The following EPHA3 variants were observed in gnomAD, a reference collection of about 807,000 sequenced individuals.
EPHA3 encodes the protein ephrin type-A receptor 3.
In EPHA3, 42 loss-of-function variants were observed where a neutral mutation model predicts 107.1. That is an observed-to-expected ratio of 0.39 (90% CI 0.31 to 0.51). EPHA3 has a LOEUF of 0.51. Ranked by LOEUF, EPHA3 falls within the 20% of genes least tolerant of loss-of-function variation. The probability of loss-of-function intolerance (pLI) is 0.78; values close to 1 mark genes in which losing one functional copy is unlikely to be tolerated. For missense variants in EPHA3, 1,183 were observed against 1,211.2 expected (o/e 0.98, Z 0.35); for synonymous variants, 461 against 424.8 (o/e 1.09, Z -1.05).
chr3:89,453,848 G>A (rs1710044999), intron 15 of EPHA3, among the ~76,000 whole-genome samples: 1 of 152,044 alleles, frequency 6.6e-6, no homozygotes, highest in South Asian at 2.1e-4. Context: ...GAAATGTAGT[G>A]GCACCTGCAC....
chr3:89,154,270 GT>G (rs1195353397), intron 2 of EPHA3, among the ~76,000 whole-genome samples: 69 of 140,844 alleles, frequency 4.9e-4, no homozygotes, highest in African/African-American at 6.8e-4. Flanking sequence ...GTTTTTGTTT[GT>G]TTTTTTTTTT....
intron 13 of EPHA3, among the ~76,000 whole-genome samples, chr3:89,443,349 T>C (rs989485313): frequency 9.2e-5 from 14 of 152,172 alleles, no homozygotes; most frequent in East Asian, 3.8e-4. Flanking sequence ...TCTAAAAAAG[T>C]TGATGCTCAG....
intron 3 of EPHA3, among the ~76,000 whole-genome samples, chr3:89,302,562 T>G (rs765057472): frequency 6.6e-6 from 1 of 152,096 alleles, no homozygotes; most frequent in Non-Finnish European, 1.5e-5. Context: ...GTGAAAGATA[T>G]TGTATGTGAA....
chr3:89,418,791 A>C (rs1709299446), intron 10 of EPHA3, among the ~76,000 whole-genome samples: 1 of 151,460 alleles, frequency 6.6e-6, no homozygotes, highest in African/African-American at 2.4e-5. Context: ...CGGTAAAAAC[A>C]GAATTGTTAA....
At position 89,107,725 on chromosome 3, in the gene EPHA3, C is replaced by G. The variant is rs1471673703; in HGVS notation, c.-24C>G. On this transcript the variant is annotated 5_prime_UTR_variant, in exon 1 of 17. Transcript: ENST00000336596. ...GCATGCTTCATGGAGATATGCTCCT[C>G]TCACTGCCCTCTGCACCAGCAACAT... The G allele has an allele frequency of 4.8e-5, 77 of 1,607,138 alleles. No homozygotes were observed. Among genetic ancestry groups the G allele is most frequent in the Non-Finnish European group, 6.3e-5 (74 of 1,173,842 alleles).
intron 2 of EPHA3, among the ~76,000 whole-genome samples, chr3:89,202,534 A>AAT (rs71105121): frequency 0.013 from 491 of 37,596 alleles, 2 homozygotes; most frequent in East Asian, 0.035. Context: ...AAAAAAAAAA[A>AAT]ATATATATAT....
chr3:89,310,569 AC>A (rs1706741272), intron 3 of EPHA3, among the ~76,000 whole-genome samples: 1 of 151,828 alleles, frequency 6.6e-6, no homozygotes, highest in African/African-American at 2.4e-5. Flanking sequence ...CAAATACCTT[AC>A]CTATTCACCT....
intron 3 of EPHA3, among the ~76,000 whole-genome samples, chr3:89,244,400 G>C (rs1313680649): frequency 1.3e-5 from 2 of 151,806 alleles, no homozygotes; most frequent in African/African-American, 2.4e-5. Flanking sequence ...TGAGCTAATA[G>C]TATTCACATG....
chr3:89,134,438 G>A lies in EPHA3; in HGVS notation c.153+7165G>A, dbSNP rs189558973. On this transcript the variant is annotated intron_variant, in intron 2 of 16. Transcript: ENST00000336596. The stretch of plus-strand genomic sequence containing the variant: ...TGTGTCCAAGTGTTCTCATTGTTCA[G>A]TTCCCACCTATGAGTGAGAACGTGC... 2.4e-4 allele frequency among the ~76,000 whole-genome samples: 36 copies of A among 151,736 alleles called. No individual in the cohort carries two copies. The East Asian group carries it at 5.6e-3, about 24-fold the overall frequency.
chr3:89,213,382 C>G (rs948692836), intron 3 of EPHA3, among the ~76,000 whole-genome samples: 4 of 151,982 alleles, frequency 2.6e-5, no homozygotes, highest in African/African-American at 9.7e-5. Flanking sequence ...ACTATCCATT[C>G]TTAGAATAGA....
rs575730567 is a variant in EPHA3, at chr3:89,429,166, G to A, written c.2135G>A (p.Arg712His). Residue 712 changes from arginine (R) to histidine (H), a missense_variant and splice_region_variant, in exon 12 of 17, where the codon CGT (arginine) becomes CAT (histidine). Arg to His is a conservative substitution (Grantham distance 29, BLOSUM62 0). Transcript: ENST00000336596. ...AATGGTTCCTTGGATAGTTTCCTAC[G>A]TGTAAGTAAGATGCACACACATACA... Reference protein sequence around the residue: ...MENGSLDSFLRKHDAQFTVIQ... With the variant: ...MENGSLDSFLHKHDAQFTVIQ... The A allele has an allele frequency of 1.2e-5, 19 of 1,608,518 alleles. No individual in the cohort carries two copies. The African/African-American group carries it at 1.7e-4, about 15-fold the overall frequency.
intron 1 of EPHA3, among the ~76,000 whole-genome samples, chr3:89,110,591 T>G (rs1707080148): frequency 6.6e-6 from 1 of 151,998 alleles, no homozygotes; most frequent in African/African-American, 2.4e-5. Flanking sequence ...CCTATATACT[T>G]AAACAGAACT....
intron 3 of EPHA3, among the ~76,000 whole-genome samples, chr3:89,258,463 C>T (rs1576270951): frequency 1.3e-5 from 2 of 152,102 alleles, no homozygotes; most frequent in African/African-American, 2.4e-5. Flanking sequence ...TTAGATGACT[C>T]GTGTATTTAG....
intron 3 of EPHA3, among the ~76,000 whole-genome samples, chr3:89,239,077 G>C (rs373235292): frequency 6.6e-6 from 1 of 152,148 alleles, no homozygotes; most frequent in African/African-American, 2.4e-5. Flanking sequence ...CACAGTATGC[G>C]AGAGTGATTA....
rs1243838934 is a variant in EPHA3, at chr3:89,359,726, CAT to C, written c.1306+17638_1306+17639del. 4.3e-3 allele frequency among the ~76,000 whole-genome samples: 607 copies of C among 141,612 alleles called. 12 individuals are homozygous for C. Among genetic ancestry groups the C allele is most frequent in the African/African-American group, 0.012 (455 of 38,538 alleles). 92.9% of individuals were successfully genotyped at this position (141,612 alleles called of 152,430 possible). A position where few individuals can be genotyped will look rare whatever the true frequency, so the allele number is the denominator to read the frequency against. On this transcript the variant is annotated intron_variant, in intron 5 of 16. Transcript: ENST00000336596. ...TATTGTGTGTGTGTATATATATATA[CAT>C]ACATATATACACATATATACACATA... is the stretch of plus-strand genomic sequence containing the variant.
chr3:89,172,916 T>C (rs778566346), intron 2 of EPHA3, among the ~76,000 whole-genome samples: 8 of 152,160 alleles, frequency 5.3e-5, no homozygotes, highest in Non-Finnish European at 1.2e-4. Context: ...CAGAGTGACT[T>C]GATGTGGGGA....
At chr3:89,373,942 T>A (rs1321409645) in intron 5 of EPHA3, among the ~76,000 whole-genome samples, 1 of 151,836 alleles carries the variant, frequency 6.6e-6, no homozygotes, top group Non-Finnish European at 1.5e-5. Flanking sequence ...GTCCATTTGG[T>A]CTGATTACTA....
chr3:89,275,881 C>T lies in EPHA3; in HGVS notation c.815-65035C>T, dbSNP rs544677453. ...TAATAATGAATAAAGCAAATCTCTT[C>T]CCTCAGTTAAAGGGAATGCAATGCA... On this transcript the variant is annotated intron_variant, in intron 3 of 16. Transcript: ENST00000336596. Among the ~76,000 whole-genome samples, 3 of 152,170 alleles carry T rather than the reference C, an allele frequency of 2.0e-5. No homozygotes were observed. The South Asian group carries it at 6.2e-4, about 32-fold the overall frequency.
chr3:89,238,377 T>G (rs894050658), intron 3 of EPHA3, among the ~76,000 whole-genome samples: 1 of 152,202 alleles, frequency 6.6e-6, no homozygotes, highest in African/African-American at 2.4e-5. Flanking sequence ...AAAATTTTAT[T>G]TTGCTAGTAG....
Sources: gnomAD v4.1 joint callset for allele counts (sites outside exome capture counted in the v4.1 genomes callset) on GRCh38, gnomAD v4.1.1 for gene constraint, MANE v1.5 for transcripts, NCBI Gene and HGNC (gene_info 2026-07-23, HGNC 2026-07-21) for gene names.